PDE4D: variants seen among roughly 807,000 people sequenced by gnomAD.
PDE4D encodes the protein 3',5'-cyclic-AMP phosphodiesterase 4D.
In PDE4D, 24 loss-of-function variants were observed where a neutral mutation model predicts 87.4. The observed-to-expected ratio is 0.27, with a 90% CI of 0.20 to 0.39. The LOEUF is 0.39. PDE4D is among the 10% of genes least tolerant of loss of function. The pLI, the probability that PDE4D is intolerant of heterozygous loss-of-function variation, is 1.00. For synonymous variants in PDE4D, 384 were observed against 383.2 expected (o/e 1.00, Z -0.02); for missense variants, 714 against 1,041.0 (o/e 0.69, Z 4.32).
intron 1 of PDE4D, among the ~76,000 whole-genome samples, chr5:59,602,945 C>A (rs1449595743): frequency 1.3e-5 from 2 of 152,080 alleles, no homozygotes; most frequent in African/African-American, 2.4e-5. Flanking sequence ...GAAACACAAT[C>A]TCTTCAATAA....
intron 5 of PDE4D, among the ~76,000 whole-genome samples, chr5:59,170,600 A>G (rs1428814718): frequency 6.6e-6 from 1 of 152,242 alleles, no homozygotes; most frequent in East Asian, 1.9e-4. Flanking sequence ...CTACTGGTCA[A>G]CAACTAAAAG....
intron 5 of PDE4D, among the ~76,000 whole-genome samples, chr5:59,105,256 T>C (rs943111506): frequency 6.6e-6 from 1 of 152,236 alleles, no homozygotes; most frequent in Non-Finnish European, 1.5e-5. Flanking sequence ...TTAGGAACTT[T>C]TCAGAGTTTT....
intron 2 of PDE4D, among the ~76,000 whole-genome samples, chr5:60,002,850 C>T (rs1468321813): frequency 2.0e-5 from 3 of 152,162 alleles, no homozygotes; most frequent in South Asian, 2.1e-4. Flanking sequence ...AAAGCTGCTT[C>T]TCTAAAATCT....
At chr5:60,003,166 G>C (rs1274819380) in intron 2 of PDE4D, among the ~76,000 whole-genome samples, 1 of 151,880 alleles carries the variant, frequency 6.6e-6, no homozygotes, top group African/African-American at 2.4e-5. Flanking sequence ...ATATCTAAAA[G>C]AACAAAATAC....
Position 59,439,965 on chromosome 5 carries a change from A to T in PDE4D, c.456-223997T>A, listed in dbSNP as rs955491379. ...AATAGATATTAGCTGCCATCCTAAG[A>T]TGTAGCAAATCTGTCACCTGAGAAA... On this transcript the variant is annotated intron_variant, in intron 1 of 14. Transcript: ENST00000340635. Among the ~76,000 whole-genome samples, 4 of 152,246 alleles carry T rather than the reference A, an allele frequency of 2.6e-5. No individual in the cohort carries two copies. In the East Asian group the frequency reaches 7.7e-4, roughly 29 times the overall value.
intron 2 of PDE4D, among the ~76,000 whole-genome samples, chr5:59,195,297 C>CCCAGAAAG (rs2153487904): frequency 6.6e-6 from 1 of 152,202 alleles, no homozygotes; most frequent in South Asian, 2.1e-4. Flanking sequence ...TGAGGTCAAG[C>CCCAGAAAG]CCAGAAAGGC....
chr5:60,025,997 G>A (rs987126271), intron 2 of PDE4D, among the ~76,000 whole-genome samples: 17 of 152,144 alleles, frequency 1.1e-4, no homozygotes, highest in Admixed American at 3.3e-4. Flanking sequence ...CTCAAAGTCA[G>A]AACACTCTCA....
intron 2 of PDE4D, among the ~76,000 whole-genome samples, chr5:59,205,601 C>A (rs542477107): frequency 1.0e-4 from 15 of 150,108 alleles, no homozygotes; most frequent in African/African-American, 3.7e-4. Context: ...ATTTCTGCAA[C>A]AGAATATTCT....
chr5:59,070,409 T>G (rs1170581288), intron 5 of PDE4D, among the ~76,000 whole-genome samples: 1 of 152,192 alleles, frequency 6.6e-6, no homozygotes, highest in Non-Finnish European at 1.5e-5. Flanking sequence ...ATATTTTAGC[T>G]GATTCATTTG....
intron 2 of PDE4D, among the ~76,000 whole-genome samples, chr5:60,087,124 T>C (rs1487504679): frequency 6.6e-6 from 1 of 152,112 alleles, no homozygotes; most frequent in African/African-American, 2.4e-5. Flanking sequence ...CTATAAAACA[T>C]CCCCAGAGTG....
chr5:59,704,405 A>G (rs948022848), intron 1 of PDE4D, among the ~76,000 whole-genome samples: 4 of 152,198 alleles, frequency 2.6e-5, no homozygotes, highest in Admixed American at 6.5e-5. Context: ...TGATGACACC[A>G]TATCTCAAAT....
intron 5 of PDE4D, among the ~76,000 whole-genome samples, chr5:59,157,894 A>G (rs111950252): frequency 0.022 from 3,341 of 152,286 alleles, 136 homozygotes; most frequent in African/African-American, 0.076. Flanking sequence ...GAGTTTAGGG[A>G]CAGAAAAACA....
At chr5:59,356,802 T>C (rs1289527826) in intron 1 of PDE4D, 1 of 1,571,134 alleles carries the variant, frequency 6.4e-7, no homozygotes, top group Non-Finnish European at 8.5e-7. Context: ...CTCTTGTAGA[T>C]GGTCCTGGCA....
chr5:59,162,849 G>T, intron 5 of PDE4D, among the ~76,000 whole-genome samples: 1 of 18,592 alleles, frequency 5.4e-5, no homozygotes. Context: ...GTGAGACCCT[G>T]CATCAAAAAA....
At chr5:59,631,939 G>GT (rs1193617792) in intron 1 of PDE4D, among the ~76,000 whole-genome samples, 2 of 152,190 alleles carry the variant, frequency 1.3e-5, no homozygotes, top group African/African-American at 4.8e-5. Context: ...GAGCCAAGGG[G>GT]TCTTGCTCAG....
At chr5:59,601,063 A>G (rs1827436101) in intron 1 of PDE4D, among the ~76,000 whole-genome samples, 1 of 152,144 alleles carries the variant, frequency 6.6e-6, no homozygotes, top group South Asian at 2.1e-4. Context: ...GCAAGGACCC[A>G]TTTTACTGTT....
At chr5:60,003,625 C>T (rs894991571) in intron 2 of PDE4D, among the ~76,000 whole-genome samples, 2 of 150,302 alleles carry the variant, frequency 1.3e-5, no homozygotes, top group South Asian at 4.2e-4. Context: ...CAGAGAATTG[C>T]TTGAACCTGG....
At chr5:59,945,021 T>C (rs1411616264) in intron 3 of PDE4D, among the ~76,000 whole-genome samples, 2 of 152,248 alleles carry the variant, frequency 1.3e-5, no homozygotes, top group Non-Finnish European at 2.9e-5. Flanking sequence ...CTGTTACATG[T>C]TAAAATTTCA....
intron 5 of PDE4D, among the ~76,000 whole-genome samples, chr5:59,065,696 T>C (rs1438215398): frequency 6.6e-6 from 1 of 152,164 alleles, no homozygotes; most frequent in African/African-American, 2.4e-5. Context: ...ACCAATAAAA[T>C]AGTCAAGGAG....
Sources: allele counts gnomAD v4.1 joint callset (sites outside exome capture counted in the v4.1 genomes callset), GRCh38; gene constraint gnomAD v4.1.1; transcripts MANE v1.5; gene names NCBI Gene and HGNC (gene_info 2026-07-23, HGNC 2026-07-21).